The following LRRC27 variants were observed in gnomAD, a reference collection of about 807,000 sequenced individuals.
The protein encoded by LRRC27 is leucine-rich repeat-containing protein 27.
In LRRC27, 57 loss-of-function variants were observed where a neutral mutation model predicts 55.0. The observed-to-expected ratio is 1.04, with a 90% CI of 0.84 to 1.29. The LOEUF (loss-of-function observed/expected upper bound fraction) is 1.29. LRRC27 is among the 50% of genes most tolerant of loss of function. The pLI, the probability that LRRC27 is intolerant of heterozygous loss-of-function variation, is 0.00. For missense variants in LRRC27, 721 were observed against 651.5 expected (o/e 1.11, Z -1.16); for synonymous variants, 278 against 251.9 (o/e 1.10, Z -0.98).
In LRRC27 at chr10:132,348,427, G is replaced by GA. The variant is rs1361506044; in HGVS notation, c.926+75dup. On this transcript the variant is annotated intron_variant, in intron 6 of 10. Transcript: ENST00000368614. The surrounding 1 kb of genome is among the most constrained non-coding windows in gnomAD (Gnocchi z 4.2). ...TATACAGTTATTTTAAATTATCTTTGAAAACATCAGGTCCAGCTTTTAAAG... is the reference window on the plus strand; with the variant it reads ...TATACAGTTATTTTAAATTATCTTTGAAAAACATCAGGTCCAGCTTTTAAAG... The GA allele has an allele frequency of 6.5e-7, 1 of 1,544,062 alleles. No individual in the cohort carries two copies. Among genetic ancestry groups the GA allele is most frequent in the Non-Finnish European group, 8.7e-7 (1 of 1,144,952 alleles).
chr10:132,354,970 ATGT>A (rs1226792272), intron 7 of LRRC27, among the ~76,000 whole-genome samples: 1 of 152,168 alleles, frequency 6.6e-6, no homozygotes, highest in Non-Finnish European at 1.5e-5. Flanking sequence ...CCAGCCGCAG[ATGT>A]GGGCGTTACT....
chr10:132,344,383 C>CA (rs777629148), intron 4 of LRRC27, 115 bp from the exon 5 acceptor site: 4 of 1,139,788 alleles, frequency 3.5e-6, no homozygotes, highest in Non-Finnish European at 3.6e-6. Context: ...GATTTTCCCC[C>CA]AAATACTGAA....
At chr10:132,347,954 A>G (rs1353742690) in intron 5 of LRRC27, 30 bp from the exon 6 acceptor site, 8 of 1,552,774 alleles carry the variant, frequency 5.2e-6, no homozygotes, top group Non-Finnish European at 6.9e-6. Flanking sequence ...CGTTGATGGT[A>G]GCTACTAAAG....
At chr10:132,344,996 T>A in intron 5 of LRRC27, 1 of 189,164 alleles carries the variant, frequency 5.3e-6, no homozygotes. Flanking sequence ...TTAAAATAAG[T>A]ACAATGAAAT....
chr10:132,365,402 C>T (rs369923281), intron 9 of LRRC27, 22 bp from the exon 10 acceptor site: 3 of 1,612,872 alleles, frequency 1.9e-6, no homozygotes, highest in South Asian at 1.1e-5. Flanking sequence ...AGTCATTTCC[C>T]TCTTTGCCCT....
At chr10:132,336,379 G>A (rs986797699) in intron 2 of LRRC27, among the ~76,000 whole-genome samples, 1 of 152,196 alleles carries the variant, frequency 6.6e-6, no homozygotes, top group Admixed American at 6.5e-5. Flanking sequence ...TCTGGAGACC[G>A]AGCCAGCTGC....
chr10:132,344,472 G>GACAGTT, intron 4 of LRRC27, 26 bp from the exon 5 acceptor site: 1 of 1,593,860 alleles, frequency 6.3e-7, no homozygotes, highest in East Asian at 2.3e-5. Flanking sequence ...ATAGAATGCT[G>GACAGTT]ACAGTTTTTT....
At chr10:132,350,000 C>T (rs1427161223) in intron 6 of LRRC27, among the ~76,000 whole-genome samples, 3 of 152,158 alleles carry the variant, frequency 2.0e-5, no homozygotes, top group Admixed American at 6.5e-5. Flanking sequence ...CCCTGGTCTG[C>T]GCTCAGGGTG....
Position 132,347,965 on chromosome 10 carries a change from C to A in LRRC27, c.554-19C>A. ...ATGGCGTTGATGGTAGCTACTAAAG[C>A]GGTTTCTTACTCTCCCAGAGGCTCC... is the stretch of plus-strand genomic sequence containing the variant. On this transcript the variant is annotated intron_variant, in intron 5 of 10. Transcript: ENST00000368614. The A allele has an allele frequency of 6.4e-7, 1 of 1,570,774 alleles. No individual in the cohort carries two copies.
At chr10:132,347,368 C>G (rs2067757964) in intron 5 of LRRC27, among the ~76,000 whole-genome samples, 1 of 147,568 alleles carries the variant, frequency 6.8e-6, no homozygotes, top group Non-Finnish European at 1.5e-5. Flanking sequence ...GTGGGAAGGT[C>G]AGGTGTGTCT....
At chr10:132,371,702 G>A (rs542083369) in intron 10 of LRRC27, among the ~76,000 whole-genome samples, 41 of 152,300 alleles carry the variant, frequency 2.7e-4, no homozygotes, top group African/African-American at 7.2e-4. Flanking sequence ...GCTCTGTTCC[G>A]GCCGGCAGGA....
At position 132,375,535 on chromosome 10, in the gene LRRC27, C is replaced by T. The variant is rs1424613108; in HGVS notation, c.*293C>T. On this transcript the variant is annotated 3_prime_UTR_variant, in exon 11 of 11. Transcript: ENST00000368614. ...CAGAGTGCTCACACTCAGGCACTTG[C>T]CTCTCTCCTGTCCTGGAGCCCTTGT... 6.7e-6 allele frequency: 2 copies of T among 300,486 alleles called. No homozygotes were observed. Among genetic ancestry groups the T allele is most frequent in the Admixed American group, 9.8e-5 (2 of 20,498 alleles). 18.6% of individuals were successfully genotyped at this position (300,486 alleles called of 1,614,324 possible). A position where few individuals can be genotyped will look rare whatever the true frequency, so the allele number is the denominator to read the frequency against.
At position 132,355,984 on chromosome 10, in the gene LRRC27, G is replaced by A; in HGVS notation, c.1170+98G>A. The A allele has an allele frequency of 1.2e-5, 10 of 824,476 alleles. No homozygotes were observed. In the South Asian group the frequency reaches 1.6e-4, roughly 13 times the overall value. The allele number at this position is 824,476 out of a possible 1,614,324, so 51.1% of individuals were successfully genotyped here. A position where few individuals can be genotyped will look rare whatever the true frequency, so the allele number is the denominator to read the frequency against. On this transcript the variant is annotated intron_variant, in intron 8 of 10. Coordinates refer to ENST00000368614, the MANE Select transcript of LRRC27 (RefSeq NM_030626.3). ...GTCCATGGAGGATGAGCCGAGACCT[G>A]GGGGTGTGGGTGGGTGCTCACACGC...
intron 9 of LRRC27, among the ~76,000 whole-genome samples, chr10:132,364,456 C>CACCCACCCACACTT (rs2068858679): frequency 3.7e-5 from 1 of 27,368 alleles, no homozygotes; most frequent in Non-Finnish European, 7.7e-5. Flanking sequence ...CACCCACACT[C>CACCCACCCACACTT]ACACCCACCC....
intron 7 of LRRC27, chr10:132,353,399 C>T (rs1298038651): frequency 1.5e-5 from 16 of 1,033,086 alleles, no homozygotes; most frequent in Middle Eastern, 4.8e-4. Flanking sequence ...TGAAGCCACC[C>T]CGTTGTGTGT....
chr10:132,359,099 CAGT>C (rs372095213), intron 8 of LRRC27, among the ~76,000 whole-genome samples: 2 of 816 alleles, frequency 2.5e-3, no homozygotes, highest in Non-Finnish European at 7.5e-3. Context: ...GGTGATGGAG[CAGT>C]GTGGGGAGGA....
chr10:132,349,498 TGTG>T (rs1225675036), intron 6 of LRRC27, among the ~76,000 whole-genome samples: 6 of 152,198 alleles, frequency 3.9e-5, no homozygotes, highest in African/African-American at 1.4e-4. Flanking sequence ...CCAGCACGCT[TGTG>T]GTGTTCTTAG....
chr10:132,363,682 G>A (rs147058037), intron 9 of LRRC27, among the ~76,000 whole-genome samples: 2 of 151,668 alleles, frequency 1.3e-5, no homozygotes, highest in Non-Finnish European at 1.5e-5. Context: ...AGAAGAGACC[G>A]TGGGGCCTGA....
intron 10 of LRRC27, among the ~76,000 whole-genome samples, chr10:132,369,054 C>T (rs544174059): frequency 8.3e-4 from 126 of 152,280 alleles, no homozygotes; most frequent in Middle Eastern, 3.4e-3. Flanking sequence ...AAAGAAGCTT[C>T]ACATTGTGTG....
Sources: gnomAD v4.1 joint callset for allele counts (sites outside exome capture counted in the v4.1 genomes callset) on GRCh38, gnomAD v4.1.1 for gene constraint, Gnocchi (gnomAD v3.1) non-coding constraint, MANE v1.5 for transcripts, NCBI Gene and HGNC (gene_info 2026-07-23, HGNC 2026-07-21) for gene names.